The following NPIPA7 variants were observed in gnomAD, a reference collection of about 807,000 sequenced individuals.
NPIPA7 encodes the protein nuclear pore complex interacting protein family member A7, also known as nuclear pore complex-interacting protein family member A7.
At chr16:16,387,114 C>T (rs1249615432) in intron 2 of NPIPA7, among the ~76,000 whole-genome samples, 2 of 126,454 alleles carry the variant, frequency 1.6e-5, no homozygotes, top group African/African-American at 2.8e-5. Context: ...CTCATTCTGT[C>T]GCTCAGGCTG....
intron 2 of NPIPA7, among the ~76,000 whole-genome samples, chr16:16,386,925 T>G (rs2050156825): frequency 7.1e-6 from 1 of 141,094 alleles, no homozygotes; most frequent in South Asian, 2.3e-4. Flanking sequence ...AATTTTGAAT[T>G]TTTAGCAGAG....
intron 2 of NPIPA7, among the ~76,000 whole-genome samples, chr16:16,386,090 A>C (rs2050118668): frequency 1.2e-5 from 1 of 82,802 alleles, no homozygotes; most frequent in Non-Finnish European, 2.5e-5. Context: ...ATGAGAACAA[A>C]TATTTAATAT....
chr16:16,386,207 T>C (rs1452451645), intron 2 of NPIPA7, among the ~76,000 whole-genome samples: 3 of 109,960 alleles, frequency 2.7e-5, no homozygotes, highest in African/African-American at 1.1e-4. Flanking sequence ...ACGAAGCTGA[T>C]GTGAGGGAAG....
intron 2 of NPIPA7, among the ~76,000 whole-genome samples, chr16:16,386,209 T>C (rs2050121983): frequency 9.0e-6 from 1 of 111,340 alleles, no homozygotes; most frequent in Non-Finnish European, 1.9e-5. Context: ...GAAGCTGATG[T>C]GAGGGAAGGG....
chr16:16,388,090 T>C (rs1229439735), intron 4 of NPIPA7, among the ~76,000 whole-genome samples: 1 of 52,214 alleles, frequency 1.9e-5, no homozygotes, highest in Non-Finnish European at 3.5e-5. Flanking sequence ...GGCTTTGCTC[T>C]TGTTGCCCAG....
At chr16:16,387,060 TTGTG>T (rs374685325) in intron 2 of NPIPA7, among the ~76,000 whole-genome samples, 1,769 of 101,344 alleles carry the variant, frequency 0.017, 50 homozygotes, top group African/African-American at 0.033. Context: ...ATGTCATTCT[TTGTG>T]TGTGTGTGTG....
intron 2 of NPIPA7, among the ~76,000 whole-genome samples, chr16:16,386,769 G>A: frequency 7.8e-6 from 1 of 127,794 alleles, no homozygotes; most frequent in Admixed American, 8.2e-5. Context: ...TTTTTTTTGA[G>A]ACAGAGTTTG....
chr16:16,388,017 G>T, intron 4 of NPIPA7, among the ~76,000 whole-genome samples: 1 of 90,244 alleles, frequency 1.1e-5, no homozygotes. Context: ...GGGAAGAGGA[G>T]TTGCTAGTAC....
chr16:16,390,805 A>AAGAGGAGAGGCAGGTGTCAGAGGC (rs2050246614), exon 5 of NPIPA7: 1 of 1,097,034 alleles, frequency 9.1e-7, no homozygotes, highest in Non-Finnish European at 1.2e-6. Context: ...GAGCACAGAG[A>AAGAGGAGAGGCAGGTGTCAGAGGC]AGAGGAGAGG....
In NPIPA7 at chr16:16,390,775, A is replaced by AGTTT. The variant is rs2050245143; in HGVS notation, c.446_447insGTTT (p.Leu150PhefsTer8). ...ATTTCTCTCCCTTCTAGTCTGAGGA[A>AGTTT]ACTAAGCATGAAAGAACGTGAGCAC... On this transcript the variant is annotated frameshift_variant, in exon 5 of 8. Transcript: ENST00000530217. LOFTEE classifies it high-confidence loss of function. 8.3e-7 allele frequency: 1 copy of AGTTT among 1,207,018 alleles called. No homozygotes were observed. The highest frequency in any genetic ancestry group is 1.5e-5 in the African/African-American group (1 of 68,506). The allele number at this position is 1,207,018 out of a possible 1,614,324, so 74.8% of individuals were successfully genotyped here. A position where few individuals can be genotyped will look rare whatever the true frequency, so the allele number is the denominator to read the frequency against.
intron 2 of NPIPA7, among the ~76,000 whole-genome samples, chr16:16,387,060 TTGTGTGTGTGTGTGTGTG>T (rs374685325): frequency 3.0e-5 from 3 of 101,452 alleles, no homozygotes; most frequent in African/African-American, 1.1e-4. Context: ...ATGTCATTCT[TTGTGTGTGTGTGTGTGTG>T]TGTGTGTGTG....
chr16:16,386,730 G>A (rs2050146280), intron 2 of NPIPA7, among the ~76,000 whole-genome samples: 1 of 134,248 alleles, frequency 7.4e-6, no homozygotes, highest in African/African-American at 2.7e-5. Flanking sequence ...TTACAGGCGT[G>A]AGCTACAGCA....
At chr16:16,382,128 T>C (rs2050104751) in intron 1 of NPIPA7, among the ~76,000 whole-genome samples, 1 of 110,632 alleles carries the variant, frequency 9.0e-6, no homozygotes, top group Non-Finnish European at 1.9e-5. Flanking sequence ...TTTTTACTTA[T>C]GCTGAGCTTT....
At position 16,388,641 on chromosome 16, in the gene NPIPA7, A is replaced by C. The variant is rs1184380095; in HGVS notation, c.437+835A>C. Among the ~76,000 whole-genome samples, 28 of 3,160 alleles carry C rather than the reference A, an allele frequency of 8.9e-3. 1 individual carries two copies. The highest frequency in any genetic ancestry group is 0.015 in the Non-Finnish European group (26 of 1,698). 2.1% of individuals were successfully genotyped at this position (3,160 alleles called of 152,430 possible). On this transcript the variant is annotated intron_variant, in intron 4 of 7. Transcript: ENST00000530217. Reference sequence around the variant, plus strand: ...CGCCTCCCAGGTTCAAACGATTCTTATCCCTCAGCCTCTTGAGTAGCTGGG... The same window carrying C: ...CGCCTCCCAGGTTCAAACGATTCTTCTCCCTCAGCCTCTTGAGTAGCTGGG...
intron 4 of NPIPA7, among the ~76,000 whole-genome samples, chr16:16,388,049 CTCTTTTTTT>C (rs1360866888): frequency 8.9e-5 from 4 of 45,038 alleles, no homozygotes; most frequent in Admixed American, 5.5e-4. Context: ...TCCTTTCTCT[CTCTTTTTTT>C]TTTTTTTTTT....
At chr16:16,388,481 G>A (rs1189336087) in intron 4 of NPIPA7, among the ~76,000 whole-genome samples, 4 of 22,830 alleles carry the variant, frequency 1.8e-4, no homozygotes, top group African/African-American at 3.7e-4. Flanking sequence ...TCAGCTTCCC[G>A]AGTAGCTTGG....
Position 16,387,993 on chromosome 16 carries a change from T to G in NPIPA7, c.437+187T>G, listed in dbSNP as rs1454796753. ...TCCTTTCCCTTCCTACATTCTTGTT[T>G]GTCATTTTTTCAGGGGAAGAGGAGT... On this transcript the variant is annotated intron_variant, in intron 4 of 7. Transcript: ENST00000530217. 5.7e-5 allele frequency among the ~76,000 whole-genome samples: 5 copies of G among 87,802 alleles called. 1 individual carries two copies. The highest frequency in any genetic ancestry group is 8.2e-5 in the Non-Finnish European group (4 of 48,996). 57.6% of individuals were successfully genotyped at this position (87,802 alleles called of 152,430 possible).
chr16:16,386,041 C>T (rs2050117928), intron 2 of NPIPA7, among the ~76,000 whole-genome samples: 3 of 53,568 alleles, frequency 5.6e-5, no homozygotes, highest in Admixed American at 3.8e-4. Context: ...GGTATCTGAC[C>T]CACATCTGAG....
intron 2 of NPIPA7, among the ~76,000 whole-genome samples, chr16:16,386,251 G>A (rs1019027429): frequency 1.6e-5 from 2 of 128,356 alleles, no homozygotes; most frequent in Non-Finnish European, 3.3e-5. Flanking sequence ...AGGGACAGAA[G>A]AAAGATGCTC....
Sources: gnomAD v4.1 joint callset for allele counts (sites outside exome capture counted in the v4.1 genomes callset) on GRCh38, gnomAD v4.1.1 for gene constraint, MANE v1.5 for transcripts, NCBI Gene and HGNC (gene_info 2026-07-23, HGNC 2026-07-21) for gene names.